Variants in CHCHD10 observed in about 807,000 individuals in gnomAD.
CHCHD10 encodes the protein coiled-coil-helix-coiled-coil-helix domain-containing protein 10, mitochondrial.
Under a neutral mutation model 14.8 loss-of-function variants are expected in CHCHD10, and 10 were observed. The observed-to-expected ratio is 0.67, with a 90% CI of 0.42 to 1.14. The LOEUF is 1.14. Ranked by LOEUF, CHCHD10 falls within the 50% of genes most tolerant of loss-of-function variation. The pLI is 0.00. For missense variants in CHCHD10, 203 were observed against 196.9 expected (o/e 1.03, Z -0.19); for synonymous variants, 90 against 85.2 (o/e 1.06, Z -0.31).
rs9153 is a variant in CHCHD10, at chr22:23,766,225, G to T, written c.312C>A (p.Tyr104Ter). 30 of 1,577,890 alleles carry T rather than the reference G, an allele frequency of 1.9e-5. No homozygotes were observed. The highest frequency in any genetic ancestry group is 2.5e-5 in the Non-Finnish European group (29 of 1,156,486). ...AACAGTCCAGGAACTGCCTGATCTCGTAGGCGCAGGGCCCCATCTGCAGGG... is the reference window on the plus strand; with the variant it reads ...AACAGTCCAGGAACTGCCTGATCTCTTAGGCGCAGGGCCCCATCTGCAGGG... Reference protein sequence around the residue: ...PQPLQMGPCAYEIRQFLDCST... With the variant: ...PQPLQMGPCA The change falls in exon 3 of 4, where the codon TAC (tyrosine) becomes TAA (stop). Residue 104 changes from tyrosine (Y) to a stop codon, truncating the protein, a stop_gained. Transcript: ENST00000484558. LOFTEE classifies it high-confidence loss of function.
chr22:23,766,352 C>CAGG, intron 2 of CHCHD10, 77 bp from the exon 3 acceptor site: 1 of 1,328,230 alleles, frequency 7.5e-7, no homozygotes, highest in Non-Finnish European at 1.0e-6. Flanking sequence ...CTGGGGCCAC[C>CAGG]TGCCCCTCCC....
At chr22:23,767,679 T>C (rs2145927585) in intron 1 of CHCHD10, 86 bp from the exon 2 acceptor site, 1 of 829,312 alleles carries the variant, frequency 1.2e-6, no homozygotes, top group Admixed American at 3.4e-5. Context: ...CCCGGAGAGA[T>C]GGACGACCCA....
In CHCHD10 at chr22:23,767,563, G is replaced by C. The variant is rs756168961; in HGVS notation, c.72C>G (p.Pro24=). The change falls in exon 2 of 4, where the codon CCC becomes CCG. Residue 24 remains proline (P), a synonymous_variant. Coordinates refer to ENST00000484558, the MANE Select transcript of CHCHD10 (RefSeq NM_213720.3). ...SRPAAPSAHP[P]AHPPPSAAAP... is the part of the protein sequence containing the mutation. ...CGGCTGCCGAGGGCGGTGGGTGCGC[G>C]GGCGGGTGGGCAGAGGGCGCGGCTG... is the stretch of plus-strand genomic sequence containing the variant. 2.9e-6 allele frequency: 4 copies of C among 1,370,674 alleles called. No individual in the cohort carries two copies. The South Asian group carries it at 6.5e-5, about 22-fold the overall frequency. 84.9% of individuals were successfully genotyped at this position (1,370,674 alleles called of 1,614,324 possible).
At position 23,767,528 on chromosome 22, in the gene CHCHD10, G is replaced by A; in HGVS notation, c.107C>T (p.Pro36Leu). The A allele has an allele frequency of 6.9e-7, 1 of 1,459,140 alleles. No homozygotes were observed. The highest frequency in any genetic ancestry group is 9.0e-7 in the Non-Finnish European group (1 of 1,106,750). 90.4% of individuals were successfully genotyped at this position (1,459,140 alleles called of 1,614,324 possible). A position where few individuals can be genotyped will look rare whatever the true frequency, so the allele number is the denominator to read the frequency against. Residue 36 changes from proline to leucine, a missense_variant, in exon 2 of 4, where the codon CCC becomes CTC. Transcript: ENST00000484558. The part of the protein sequence containing the change: ...HPPPSAAAPA[P>L]APSGQPGLMA... ...GAGCCCCGGCTGGCCCGAAGGGGCG[G>A]GGGCTGGGGCGGCTGCCGAGGGCGG...
intron 1 of CHCHD10, 90 bp from the exon 2 acceptor site, chr22:23,767,683 C>T (rs536230019): frequency 1.2e-4 from 98 of 827,874 alleles, no homozygotes; most frequent in Admixed American, 5.7e-4. Flanking sequence ...GAGAGATGGA[C>T]GACCCACGTC....
Position 23,767,548 on chromosome 22 carries a change from G to T in CHCHD10, c.87C>A (p.Pro29=). Residue 29 remains proline (P), a synonymous_variant, in exon 2 of 4, where the codon CCC becomes CCA. Transcript: ENST00000484558. ...PSAHPPAHPP[P]SAAAPAPAPS... is the part of the protein sequence containing the mutation. ...GGGCGGGGGCTGGGGCGGCTGCCGA[G>T]GGCGGTGGGTGCGCGGGCGGGTGGG... 7.1e-7 allele frequency: 1 copy of T among 1,413,902 alleles called. No individual in the cohort carries two copies. The allele number at this position is 1,413,902 out of a possible 1,614,324, so 87.6% of individuals were successfully genotyped here. A position where few individuals can be genotyped will look rare whatever the true frequency, so the allele number is the denominator to read the frequency against.
chr22:23,767,680 G>A, intron 1 of CHCHD10, 87 bp from the exon 2 acceptor site: 2 of 841,836 alleles, frequency 2.4e-6, no homozygotes, highest in East Asian at 6.4e-5. Flanking sequence ...CCGGAGAGAT[G>A]GACGACCCAC....
At chr22:23,766,453 T>C in intron 2 of CHCHD10, 178 bp from the exon 3 acceptor site, 3 of 41,954 alleles carry the variant, frequency 7.2e-5, no homozygotes, top group South Asian at 6.3e-4. Flanking sequence ...TCTGCTGCCT[T>C]TTTTTTTTTT....
chr22:23,767,568 G>A lies in CHCHD10; in HGVS notation c.67C>T (p.Pro23Ser), dbSNP rs950020917. 5.2e-6 allele frequency: 7 copies of A among 1,346,290 alleles called. No homozygotes were observed. The East Asian group carries it at 9.1e-5, about 18-fold the overall frequency. 83.4% of individuals were successfully genotyped at this position (1,346,290 alleles called of 1,614,324 possible). A position where few individuals can be genotyped will look rare whatever the true frequency, so the allele number is the denominator to read the frequency against. Residue 23 changes from proline to serine, a missense_variant, in exon 2 of 4, where the codon CCG (proline) becomes TCG (serine). Transcript: ENST00000484558. ...ASRPAAPSAH[P>S]PAHPPPSAAA... is the part of the protein sequence containing the mutation. ...GCCGAGGGCGGTGGGTGCGCGGGCG[G>A]GTGGGCAGAGGGCGCGGCTGGGCGG... is the stretch of plus-strand genomic sequence containing the variant.
chr22:23,767,264 G>T, intron 2 of CHCHD10, 110 bp downstream of exon 2: 1 of 929,476 alleles, frequency 1.1e-6, no homozygotes, highest in Non-Finnish European at 1.7e-6. Context: ...CAGAGTCCTG[G>T]GCTGAAGCAA....
Position 23,767,892 on chromosome 22 carries a change from C to T in CHCHD10, c.-18G>A. ...CGAGGCATGGTGGCGGCGGTGGGAC[C>T]CGGGCGACCTTAGAGACGGCGGCAG... On this transcript the variant is annotated 5_prime_UTR_variant, in exon 1 of 4. Transcript: ENST00000484558. 1 of 1,505,190 alleles carries T rather than the reference C, an allele frequency of 6.6e-7. No individual in the cohort carries two copies. The highest frequency in any genetic ancestry group is 1.3e-5 in the South Asian group (1 of 79,842). The allele number at this position is 1,505,190 out of a possible 1,614,324, so 93.2% of individuals were successfully genotyped here.
At position 23,766,279 on chromosome 22, in the gene CHCHD10, G is replaced by C. The variant is rs1021130344; in HGVS notation, c.262-4C>G. ...GGGGGGCAGCGGGGGTGGGGGCCTG[G>C]GGGTACAGTGCAAGAGGCTGCAGGA... is the stretch of plus-strand genomic sequence containing the variant. On this transcript the variant is annotated splice_region_variant and splice_polypyrimidine_tract_variant and intron_variant, in intron 2 of 3. Transcript: ENST00000484558. 1.3e-6 allele frequency: 2 copies of C among 1,546,150 alleles called. No homozygotes were observed. Among genetic ancestry groups the C allele is most frequent in the South Asian group, 1.2e-5 (1 of 83,868 alleles).
chr22:23,767,569 G>T lies in CHCHD10; in HGVS notation c.66C>A (p.His22Gln). Residue 22 changes from histidine to glutamine, a missense_variant, in exon 2 of 4, where the codon CAC becomes CAA. By Grantham distance (24) the His-to-Gln change is conservative. Coordinates refer to ENST00000484558, the MANE Select transcript of CHCHD10 (RefSeq NM_213720.3). Reference sequence around the variant, plus strand: ...CCGAGGGCGGTGGGTGCGCGGGCGGGTGGGCAGAGGGCGCGGCTGGGCGGC... The same window carrying T: ...CCGAGGGCGGTGGGTGCGCGGGCGGTTGGGCAGAGGGCGCGGCTGGGCGGC... ...PASRPAAPSA[H>Q]PPAHPPPSAA... The T allele has an allele frequency of 3.0e-6, 4 of 1,341,040 alleles. No homozygotes were observed. The highest frequency in any genetic ancestry group is 1.6e-5 in the African/African-American group (1 of 64,480). 83.1% of individuals were successfully genotyped at this position (1,341,040 alleles called of 1,614,324 possible).
Position 23,767,411 on chromosome 22 carries a change from C to T in CHCHD10, c.224G>A (p.Gly75Glu), listed in dbSNP as rs767069606. 10 of 1,608,060 alleles carry T rather than the reference C, an allele frequency of 6.2e-6. No homozygotes were observed. The African/African-American group carries it at 9.4e-5, about 15-fold the overall frequency. The change falls in exon 2 of 4, where the codon GGG (glycine) becomes GAG (glutamate). Residue 75 changes from glycine (G) to glutamate (E), a missense_variant. Transcript: ENST00000484558. ...MGSALTGAFS[G>E]GSSEPSQPAV... ...AGGCTGGGAGGGCTCCGAGCTCCCCCCGCTGAAGGCTCCGGTCAGGGCGCT... is the reference window on the plus strand; with the variant it reads ...AGGCTGGGAGGGCTCCGAGCTCCCCTCGCTGAAGGCTCCGGTCAGGGCGCT...
intron 2 of CHCHD10, 103 bp from the exon 3 acceptor site, chr22:23,766,378 G>C: frequency 9.5e-7 from 1 of 1,054,522 alleles, no homozygotes; most frequent in East Asian, 2.6e-5. Flanking sequence ...CCCCAGCCTG[G>C]GTGTCCCAAG....
Position 23,766,252 on chromosome 22 carries a change from CT to C in CHCHD10, c.284del (p.Gln95ArgfsTer35). ...AGGCGCAGGGCCCCATCTGCAGGGG[CT>C]GGGGGGCAGCGGGGGTGGGGGCCTG... ...VQQAPTPAAP[Q>X]PLQMGPCAYE... On this transcript the variant is annotated frameshift_variant, in exon 3 of 4. Transcript: ENST00000484558. LOFTEE classifies it high-confidence loss of function. 1 of 1,134,936 alleles carries C rather than the reference CT, an allele frequency of 8.8e-7. No individual in the cohort carries two copies. The highest frequency in any genetic ancestry group is 1.2e-6 in the Non-Finnish European group (1 of 804,606). The allele number at this position is 1,134,936 out of a possible 1,614,324, so 70.3% of individuals were successfully genotyped here. A position where few individuals can be genotyped will look rare whatever the true frequency, so the allele number is the denominator to read the frequency against.
At chr22:23,767,722 CT>C in intron 1 of CHCHD10, 111 bp downstream of exon 1, 1 of 1,060,174 alleles carries the variant, frequency 9.4e-7, no homozygotes, top group Non-Finnish European at 1.4e-6. Flanking sequence ...ACCCCCACCC[CT>C]CCCCCCGCCA....
In CHCHD10 at chr22:23,766,033, AG is replaced by A. The variant is rs759453467; in HGVS notation, c.410-8del. On this transcript the variant is annotated splice_polypyrimidine_tract_variant and splice_region_variant and intron_variant, in intron 3 of 3. Transcript: ENST00000484558. ...CAGGGCAGGGAGCTCAGACCTGGGA[AG>A]GGAGGGGCAGCACAGGCTGGTGGTC... 26 of 1,613,572 alleles carry A rather than the reference AG, an allele frequency of 1.6e-5. No homozygotes were observed. In the Admixed American group the frequency reaches 2.8e-4, roughly 18 times the overall value.
At chr22:23,766,464 T>C (rs1926829567) in intron 2 of CHCHD10, 189 bp from the exon 3 acceptor site, 2 of 579,388 alleles carry the variant, frequency 3.5e-6, no homozygotes, top group African/African-American at 1.9e-5. Context: ...TTTTTTTTTT[T>C]TTTTTTGAGA....
Sources: allele counts gnomAD v4.1 joint callset, GRCh38; gene constraint gnomAD v4.1.1; transcripts MANE v1.5; gene names NCBI Gene and HGNC (gene_info 2026-07-23, HGNC 2026-07-21).